Variants in BAG3 observed in about 807,000 individuals in gnomAD.
The protein encoded by BAG3 is BAG family molecular chaperone regulator 3.
In BAG3, 14 loss-of-function variants were observed where a neutral mutation model predicts 40.5. The ratio of observed to expected loss-of-function variants is 0.35; its 90% CI spans 0.23 to 0.54. The LOEUF (loss-of-function observed/expected upper bound fraction) is 0.54, where lower values mean the gene tolerates loss of function less well. BAG3 is among the 20% of genes least tolerant of loss of function. The pLI is 0.91. For synonymous variants in BAG3, 302 were observed against 307.8 expected, an observed-to-expected ratio of 0.98 and a Z score of 0.20; for missense variants, 788 against 758.6, an observed-to-expected ratio of 1.04 and a Z score of -0.46.
At chr10:119,671,273 A>C (rs188669731) in intron 2 of BAG3, among the ~76,000 whole-genome samples, 14 of 152,312 alleles carry the variant, frequency 9.2e-5, no homozygotes, top group African/African-American at 2.9e-4. Context: ...GCACCACTGC[A>C]CTCCAGCCTA....
chr10:119,657,092 C>A (rs12571609), intron 1 of BAG3, among the ~76,000 whole-genome samples: 32,910 of 152,010 alleles, frequency 0.22, 3,731 homozygotes, highest in Non-Finnish European at 0.26. Flanking sequence ...CTGAGTCCAT[C>A]TTTGTATAGT....
At chr10:119,654,617 C>T (rs1350815235) in intron 1 of BAG3, among the ~76,000 whole-genome samples, 1 of 152,218 alleles carries the variant, frequency 6.6e-6, no homozygotes, top group Non-Finnish European at 1.5e-5. Context: ...CTTCATCCAG[C>T]CCCATTCTAA....
intron 1 of BAG3, among the ~76,000 whole-genome samples, chr10:119,654,368 T>C (rs1208112998): frequency 6.6e-6 from 1 of 152,188 alleles, no homozygotes; most frequent in Non-Finnish European, 1.5e-5. Context: ...AGAGACGACC[T>C]CTCTTTTGGG....
rs1037892906 is a variant in BAG3 at position 119,651,640 on chromosome 10, C to A, written c.-36C>A. The A allele has an allele frequency of 2.7e-6, 4 of 1,506,138 alleles. No homozygotes were observed. The highest frequency in any genetic ancestry group is 2.1e-5 in the Admixed American group (1 of 48,050). The allele number at this position is 1,506,138 out of a possible 1,614,324, so 93.3% of individuals were successfully genotyped here. On this transcript the variant is annotated 5_prime_UTR_variant, in exon 1 of 4. Transcript: ENST00000369085. ...GACTCGGCGCCCGGAGCCAGCGCCCCGCACCCGCGCCCCAGCGGGCAGACC... is the reference window on the plus strand; with the variant it reads ...GACTCGGCGCCCGGAGCCAGCGCCCAGCACCCGCGCCCCAGCGGGCAGACC...
intron 1 of BAG3, among the ~76,000 whole-genome samples, chr10:119,662,220 TTTTTTG>T (rs1310836012): frequency 4.3e-5 from 5 of 116,242 alleles, no homozygotes; most frequent in Non-Finnish European, 5.7e-5. Flanking sequence ...GCTATGTTTT[TTTTTTG>T]TTTTTTTTTT....
Position 119,669,948 on chromosome 10 carries a change from A to G in BAG3, c.278A>G (p.Tyr93Cys). 1.9e-6 allele frequency: 3 copies of G among 1,614,222 alleles called. No individual in the cohort carries two copies. The highest frequency in any genetic ancestry group is 2.5e-6 in the Non-Finnish European group (3 of 1,180,040). ...GTGTACCCCCAGCTCCGACCAGGCT[A>G]CATTCCCATTCCTGTGCTCCATGAA... is the stretch of plus-strand genomic sequence containing the variant. ...HPVYPQLRPG[Y>C]IPIPVLHEGA... is the part of the protein sequence containing the mutation. The change falls in exon 2 of 4, where the codon TAC (tyrosine) becomes TGC (cysteine). Residue 93 changes from tyrosine (Y) to cysteine (C), a missense_variant. Tyr to Cys is a radical substitution (Grantham distance 194). Coordinates refer to ENST00000369085, the MANE Select transcript of BAG3 (RefSeq NM_004281.4).
intron 1 of BAG3, among the ~76,000 whole-genome samples, chr10:119,656,306 T>G (rs1334449253): frequency 6.6e-6 from 1 of 151,950 alleles, no homozygotes; most frequent in Non-Finnish European, 1.5e-5. Flanking sequence ...CCCTCCTGGG[T>G]TCCCTTTTGT....
chr10:119,670,979 G>A (rs1021815854), intron 2 of BAG3, among the ~76,000 whole-genome samples: 3 of 152,092 alleles, frequency 2.0e-5, no homozygotes, highest in Admixed American at 6.5e-5. Context: ...TCTCAGCTCC[G>A]TCTGAATCTG....
In BAG3 at chr10:119,651,626, C is replaced by G; in HGVS notation, c.-50C>G. 1.4e-6 allele frequency: 2 copies of G among 1,458,482 alleles called. No homozygotes were observed. The highest frequency in any genetic ancestry group is 1.8e-6 in the Non-Finnish European group (2 of 1,101,126). The allele number at this position is 1,458,482 out of a possible 1,614,324, so 90.3% of individuals were successfully genotyped here. A position where few individuals can be genotyped will look rare whatever the true frequency, so the allele number is the denominator to read the frequency against. Reference sequence around the variant, plus strand: ...GCGGCCCGGCCAGAGACTCGGCGCCCGGAGCCAGCGCCCCGCACCCGCGCC... The same window carrying G: ...GCGGCCCGGCCAGAGACTCGGCGCCGGGAGCCAGCGCCCCGCACCCGCGCC... On this transcript the variant is annotated 5_prime_UTR_variant, in exon 1 of 4. Transcript: ENST00000369085.
chr10:119,657,812 T>TA (rs1227334752), intron 1 of BAG3, among the ~76,000 whole-genome samples: 3 of 152,252 alleles, frequency 2.0e-5, no homozygotes, highest in Non-Finnish European at 4.4e-5. Context: ...AGCCAGACCC[T>TA]ACTTCCATAG....
chr10:119,663,432 A>T (rs1847019723), intron 1 of BAG3, among the ~76,000 whole-genome samples: 1 of 151,998 alleles, frequency 6.6e-6, no homozygotes. Flanking sequence ...CTTCCTAAGC[A>T]GCTGGGATTA....
chr10:119,658,139 A>G (rs1846939242), intron 1 of BAG3, among the ~76,000 whole-genome samples: 1 of 152,264 alleles, frequency 6.6e-6, no homozygotes, highest in African/African-American at 2.4e-5. Context: ...GTAGAATTAT[A>G]TATTTTTTTC....
rs1847254383 is a variant in BAG3 at position 119,677,263 on chromosome 10, G to A, written c.1709G>A (p.Gly570Asp). Residue 570 changes from glycine to aspartate, a missense_variant, in exon 4 of 4, where the codon GGT becomes GAT. By Grantham distance (94) the Gly-to-Asp change is moderately conservative. Transcript: ENST00000369085. Reference protein sequence around the residue: ...SNPSSMTDTPGNPAAP With the variant: ...SNPSSMTDTPDNPAAP The stretch of plus-strand genomic sequence containing the variant: ...CCCAGCAGCATGACAGACACCCCTG[G>A]TAACCCAGCAGCACCGTAGCCTCTG... 6.2e-7 allele frequency: 1 copy of A among 1,614,052 alleles called. No homozygotes were observed. Among genetic ancestry groups the A allele is most frequent in the Non-Finnish European group, 8.5e-7 (1 of 1,180,036 alleles).
At chr10:119,666,297 C>G (rs1413001484) in intron 1 of BAG3, among the ~76,000 whole-genome samples, 1 of 152,144 alleles carries the variant, frequency 6.6e-6, no homozygotes, top group Non-Finnish European at 1.5e-5. Context: ...GCCTCATCTC[C>G]CTCAGCTCAG....
At chr10:119,655,612 A>G (rs1266067655) in intron 1 of BAG3, among the ~76,000 whole-genome samples, 1 of 152,184 alleles carries the variant, frequency 6.6e-6, no homozygotes, top group African/African-American at 2.4e-5. Context: ...CAATCAGGAA[A>G]TGAGTGGCCG....
Position 119,677,342 on chromosome 10 carries a change from C to T in BAG3, c.*60C>T, listed in dbSNP as rs1194379276. 3 of 1,601,582 alleles carry T rather than the reference C, an allele frequency of 1.9e-6. No individual in the cohort carries two copies. The highest frequency in any genetic ancestry group is 2.6e-6 in the Non-Finnish European group (3 of 1,172,382). ...GTGTGCTTTAGGGAATTTTAAGTTG[C>T]ATGCATTTCAGAGACTTTAAGTCAG... On this transcript the variant is annotated 3_prime_UTR_variant, in exon 4 of 4. Coordinates refer to ENST00000369085, the MANE Select transcript of BAG3 (RefSeq NM_004281.4).
intron 3 of BAG3, among the ~76,000 whole-genome samples, chr10:119,674,699 GCCTGTAAT>G (rs1257055266): frequency 1.3e-5 from 2 of 152,248 alleles, no homozygotes; most frequent in Non-Finnish European, 2.9e-5. Flanking sequence ...AGTGGCTCAC[GCCTGTAAT>G]CCTGTAATCC....
chr10:119,653,498 A>C (rs930571513), intron 1 of BAG3, among the ~76,000 whole-genome samples: 6 of 152,230 alleles, frequency 3.9e-5, no homozygotes, highest in African/African-American at 1.4e-4. Flanking sequence ...CATGAAACTT[A>C]CCCAGCAAGT....
rs1246759319 is a variant in BAG3, at chr10:119,676,536, G to A, written c.982G>A (p.Val328Ile). Residue 328 changes from valine to isoleucine, a missense_variant, in exon 4 of 4, where the codon GTT becomes ATT. By Grantham distance (29) the Val-to-Ile change is conservative (BLOSUM62 3). Transcript: ENST00000369085. ...ENKPESKPGP[V>I]GPELPPGHIP... The stretch of plus-strand genomic sequence containing the variant: ...CAAACCAGAAAGTAAGCCAGGCCCA[G>A]TTGGACCAGAACTCCCTCCTGGACA... 6.2e-7 allele frequency: 1 copy of A among 1,613,970 alleles called. No homozygotes were observed. The highest frequency in any genetic ancestry group is 8.5e-7 in the Non-Finnish European group (1 of 1,180,012).
Sources: gnomAD v4.1 joint callset for allele counts (sites outside exome capture counted in the v4.1 genomes callset) on GRCh38, gnomAD v4.1.1 for gene constraint, MANE v1.5 for transcripts, NCBI Gene and HGNC (gene_info 2026-07-23, HGNC 2026-07-21) for gene names.